SPRED2: variants seen among roughly 807,000 people sequenced by gnomAD.
SPRED2 encodes sprouty related EVH1 domain containing 2.
SPRED2 carries 47 observed loss-of-function variants against 43.0 expected under a neutral mutation model. The observed-to-expected ratio is 1.09, with a 90% CI of 0.87 to 1.40. The LOEUF is 1.40. SPRED2 is among the 40% of genes most tolerant of loss of function. The pLI is 0.00. For synonymous variants in SPRED2, 225 were observed against 225.7 expected (o/e 1.00, Z 0.03); for missense variants, 561 against 586.4 (o/e 0.96, Z 0.45).
downstream of SPRED2, among the ~76,000 whole-genome samples, chr2:65,310,633 C>A (rs747815343): frequency 3.3e-5 from 5 of 152,162 alleles, no homozygotes; most frequent in Non-Finnish European, 5.9e-5. Context: ...TGGCCTGCAG[C>A]CTTCCTTTCA....
At chr2:65,332,680 T>C (rs553554077) in intron 3 of SPRED2, among the ~76,000 whole-genome samples, 1 of 152,334 alleles carries the variant, frequency 6.6e-6, no homozygotes, top group Non-Finnish European at 1.5e-5. Context: ...TTTTTCCAAG[T>C]CAAAATTACA....
chr2:65,317,845 C>A (rs1673290404), intron 4 of SPRED2, among the ~76,000 whole-genome samples: 1 of 152,076 alleles, frequency 6.6e-6, no homozygotes. Context: ...AAACAGAGGC[C>A]ACCTCTGTGA....
At chr2:65,308,323 C>A, downstream of SPRED2, 18 of 985,460 alleles carry the variant, frequency 1.8e-5, no homozygotes, top group Non-Finnish European at 2.2e-5. Context: ...GACTTTTTAC[C>A]AGTTGGATGC....
chr2:65,332,707 C>A (rs1314994913), intron 3 of SPRED2, among the ~76,000 whole-genome samples: 1 of 152,108 alleles, frequency 6.6e-6, no homozygotes, highest in Non-Finnish European at 1.5e-5. Context: ...GTTAGAAAAC[C>A]CTCCTTATTC....
At chr2:65,404,597 C>A (rs750132239) in intron 1 of SPRED2, among the ~76,000 whole-genome samples, 1 of 152,198 alleles carries the variant, frequency 6.6e-6, no homozygotes, top group East Asian at 1.9e-4. Context: ...TTATGCCAGG[C>A]ACTGAAGACA....
At chr2:65,398,968 C>G (rs1473800167) in intron 1 of SPRED2, among the ~76,000 whole-genome samples, 1 of 152,276 alleles carries the variant, frequency 6.6e-6, no homozygotes, top group East Asian at 1.9e-4. Context: ...TGCCTATCAA[C>G]CAACAAGTGG....
intron 1 of SPRED2, among the ~76,000 whole-genome samples, chr2:65,416,088 C>T (rs892017491): frequency 1.3e-5 from 2 of 152,152 alleles, no homozygotes; most frequent in African/African-American, 4.8e-5. Flanking sequence ...TTGGGTGTTG[C>T]CCCTTCTAAA....
At chr2:65,395,415 G>A (rs1026281230) in intron 1 of SPRED2, among the ~76,000 whole-genome samples, 3 of 152,060 alleles carry the variant, frequency 2.0e-5, no homozygotes, top group Admixed American at 6.6e-5. Context: ...CTACGCAGTG[G>A]AAGTTAGAAG....
In SPRED2 at chr2:65,314,144, A is replaced by G. The variant is rs760272840; in HGVS notation, c.614T>C (p.Val205Ala). The G allele has an allele frequency of 6.3e-7, 1 of 1,599,378 alleles. No individual in the cohort carries two copies. The highest frequency in any genetic ancestry group is 2.3e-5 in the East Asian group (1 of 44,440). The change falls in exon 6 of 6, where the codon GTG (valine) becomes GCG (alanine). Residue 205 changes from valine to alanine, a missense_variant. By Grantham distance (64) the Val-to-Ala change is moderately conservative. Around this residue, in one of 6 missense-constraint regions of SPRED2, gnomAD observed 305 missense variants for 282.4 expected, o/e 1.08. Coordinates refer to ENST00000356388, the MANE Select transcript of SPRED2 (RefSeq NM_181784.3). ...DQPMPRPYRQVSFPDDDEEIV... is the reference protein window; with the variant it reads ...DQPMPRPYRQASFPDDDEEIV... ...CTCCTCGTCGTCGTCCGGGAAGCTC[A>G]CCTGGCGGTAGGGCCTTGGCATCGG...
chr2:65,359,305 A>G (rs1674740691), intron 1 of SPRED2, among the ~76,000 whole-genome samples: 1 of 152,236 alleles, frequency 6.6e-6, no homozygotes, highest in African/African-American at 2.4e-5. Flanking sequence ...AGAACTAGGC[A>G]GCAAGGATAA....
At chr2:65,359,249 C>T (rs1181239588) in intron 1 of SPRED2, among the ~76,000 whole-genome samples, 2 of 152,178 alleles carry the variant, frequency 1.3e-5, no homozygotes, top group African/African-American at 2.4e-5. Context: ...AAGACAGAGC[C>T]ATCCACTCAG....
intron 1 of SPRED2, among the ~76,000 whole-genome samples, chr2:65,360,733 G>T (rs922728403): frequency 2.0e-5 from 3 of 152,168 alleles, no homozygotes; most frequent in Admixed American, 1.3e-4. Context: ...TGATGAAAAC[G>T]TTCTAGAGAT....
chr2:65,347,332 A>AC (rs1674381061), intron 1 of SPRED2, among the ~76,000 whole-genome samples: 1 of 151,616 alleles, frequency 6.6e-6, no homozygotes, highest in Non-Finnish European at 1.5e-5. Context: ...AGAGGGAAAA[A>AC]CCCCACTCTA....
intron 1 of SPRED2, among the ~76,000 whole-genome samples, chr2:65,378,938 A>T (rs943846890): frequency 5.9e-5 from 9 of 152,202 alleles, no homozygotes; most frequent in Non-Finnish European, 1.0e-4. Flanking sequence ...TATCAAGGGT[A>T]AGCGAATGAG....
intron 2 of SPRED2, among the ~76,000 whole-genome samples, chr2:65,336,835 G>T (rs1292182196): frequency 1.3e-5 from 2 of 152,150 alleles, no homozygotes; most frequent in African/African-American, 4.8e-5. Flanking sequence ...ATGGCCGGGC[G>T]CGGTGGCTCA....
In SPRED2 at chr2:65,344,787, C is replaced by T; in HGVS notation, c.136G>A (p.Val46Ile). 1 of 1,614,164 alleles carries T rather than the reference C, an allele frequency of 6.2e-7. No homozygotes were observed. Among genetic ancestry groups the T allele is most frequent in the Non-Finnish European group, 8.5e-7 (1 of 1,180,008 alleles). Residue 46 changes from valine (V) to isoleucine (I), a missense_variant, in exon 2 of 6, where the codon GTC becomes ATC. Around this residue, in one of 6 missense-constraint regions of SPRED2, gnomAD observed 305 missense variants for 282.4 expected, o/e 1.08. Transcript: ENST00000356388. ...CGTCCATTGCCTTCGGGGTGCATGACCTTACAGACCCCGACGCGACTGATC... is the reference window on the plus strand; with the variant it reads ...CGTCCATTGCCTTCGGGGTGCATGATCTTACAGACCCCGACGCGACTGATC... ...GGISRVGVCK[V>I]MHPEGNGRSG...
intron 1 of SPRED2, among the ~76,000 whole-genome samples, chr2:65,393,008 G>C (rs909800945): frequency 4.6e-5 from 7 of 152,180 alleles, no homozygotes; most frequent in Admixed American, 3.3e-4. Context: ...AGCCTGCAAA[G>C]AGTTTAAAAT....
intron 4 of SPRED2, among the ~76,000 whole-genome samples, chr2:65,331,176 G>A (rs1488054218): frequency 2.6e-5 from 4 of 152,196 alleles, no homozygotes; most frequent in Non-Finnish European, 4.4e-5. Context: ...AGCACTTTGA[G>A]AAGCTGAAGT....
chr2:65,367,626 C>T (rs181295042), intron 1 of SPRED2, among the ~76,000 whole-genome samples: 14 of 152,102 alleles, frequency 9.2e-5, no homozygotes, highest in East Asian at 1.9e-4. Flanking sequence ...ATGTATCCTG[C>T]GGCTGTTGTG....
Sources: allele counts gnomAD v4.1 joint callset (sites outside exome capture counted in the v4.1 genomes callset), GRCh38; gene constraint gnomAD v4.1.1; regional missense constraint gnomAD v4.1.1; transcripts MANE v1.5; gene names NCBI Gene and HGNC (gene_info 2026-07-23, HGNC 2026-07-21).